The following TSHZ3 variants were observed in gnomAD, a reference collection of about 807,000 sequenced individuals.
TSHZ3 encodes the protein teashirt homolog 3.
TSHZ3 carries 10 observed loss-of-function variants against 64.5 expected under a neutral mutation model. That is an observed-to-expected ratio of 0.16 (90% confidence interval 0.10 to 0.26). The LOEUF (loss-of-function observed/expected upper bound fraction) is 0.26, where lower values mean the gene tolerates loss of function less well. Among genes scored for constraint, TSHZ3 ranks in the 10% least tolerant of loss-of-function variants. TSHZ3 has a pLI of 1.00. For synonymous variants in TSHZ3, 608 were observed against 593.1 expected (o/e 1.03, Z -0.36); for missense variants, 1,242 against 1,421.7 (o/e 0.87, Z 2.03).
exon 7 of TSHZ3, among the ~76,000 whole-genome samples, chr19:31,151,261 C>T (rs984774110): frequency 6.6e-6 from 1 of 152,164 alleles, no homozygotes; most frequent in Admixed American, 6.5e-5. Flanking sequence ...ATATTACTTT[C>T]CTCATTATTC....
intron 1 of TSHZ3, among the ~76,000 whole-genome samples, chr19:31,338,805 TC>T (rs2145193325): frequency 6.6e-6 from 1 of 152,054 alleles, no homozygotes; most frequent in African/African-American, 2.4e-5. Context: ...AAAGCCTTCC[TC>T]CCTCCATCTT....
Position 31,190,548 on chromosome 19 carries a change from CA to C in TSHZ3, n.809+14407del, listed in dbSNP as rs569095027. Among the ~76,000 whole-genome samples, 26 of 152,126 alleles carry C rather than the reference CA, an allele frequency of 1.7e-4. No individual in the cohort carries two copies. The South Asian group carries it at 5.2e-3, about 30-fold the overall frequency. Reference sequence around the variant, plus strand: ...TCCTAACATGATCAAACTGATTTCCCAATAATTATCTATAAATAAAACTCAA... The same window carrying C: ...TCCTAACATGATCAAACTGATTTCCCATAATTATCTATAAATAAAACTCAA... On this transcript the variant is annotated intron_variant and non_coding_transcript_variant, in intron 5 of 6. Coordinates refer to the TSHZ3 transcript ENST00000651361.
At chr19:31,230,052 C>T (rs1975518368) in intron 3 of TSHZ3, among the ~76,000 whole-genome samples, 1 of 152,064 alleles carries the variant, frequency 6.6e-6, no homozygotes, top group Non-Finnish European at 1.5e-5. Flanking sequence ...AGGAATTTAT[C>T]CTCAGAAAAT....
Position 31,164,854 on chromosome 19 carries a change from G to A in TSHZ3, n.810-8437C>T, listed in dbSNP as rs372857718. Among the ~76,000 whole-genome samples the A allele has an allele frequency of 2.1e-3, 325 of 152,280 alleles. 1 individual carries two copies. In the South Asian group the frequency reaches 0.029, roughly 14 times the overall value. Reference sequence around the variant, plus strand: ...TCAAATGGTTAATACACCACCCATCGTCTTTGATTTATGAAGTGGCCGATT... The same window carrying A: ...TCAAATGGTTAATACACCACCCATCATCTTTGATTTATGAAGTGGCCGATT... On this transcript the variant is annotated intron_variant and non_coding_transcript_variant, in intron 5 of 6. Coordinates refer to the TSHZ3 transcript ENST00000651361.
At chr19:31,159,177 T>G (rs1007127077) in intron 5 of TSHZ3, among the ~76,000 whole-genome samples, 8 of 152,116 alleles carry the variant, frequency 5.3e-5, no homozygotes, top group Non-Finnish European at 1.2e-4. Flanking sequence ...TTTTTGTATT[T>G]CTTGTGGAGA....
intron 1 of TSHZ3, among the ~76,000 whole-genome samples, chr19:31,306,828 A>C (rs1450136940): frequency 1.3e-5 from 2 of 152,166 alleles, no homozygotes; most frequent in African/African-American, 4.8e-5. Flanking sequence ...AAACATACTA[A>C]TTAGTTAGCT....
chr19:31,158,832 AATAGGGGTGGTGCT>A (rs1401179313), intron 5 of TSHZ3, among the ~76,000 whole-genome samples: 2 of 152,050 alleles, frequency 1.3e-5, no homozygotes, highest in Non-Finnish European at 2.9e-5. Flanking sequence ...CTCAGTTCAC[AATAGGGGTGGTGCT>A]CCTATGAGAA....
chr19:31,300,620 C>T (rs575283936), intron 1 of TSHZ3, among the ~76,000 whole-genome samples: 113 of 152,298 alleles, frequency 7.4e-4, no homozygotes, highest in Middle Eastern at 3.4e-3. Flanking sequence ...CCACCTCCTG[C>T]TCCAGGTCCC....
intron 5 of TSHZ3, among the ~76,000 whole-genome samples, chr19:31,164,138 G>A (rs1219462414): frequency 6.6e-6 from 1 of 152,130 alleles, no homozygotes; most frequent in Non-Finnish European, 1.5e-5. Context: ...AGGTCTAGAG[G>A]ACAGTAAAGG....
At chr19:31,168,684 A>G (rs1226554977) in intron 5 of TSHZ3, among the ~76,000 whole-genome samples, 3 of 152,206 alleles carry the variant, frequency 2.0e-5, no homozygotes, top group African/African-American at 7.2e-5. Context: ...AAGAGCCTAG[A>G]TTTTGACACC....
intron 5 of TSHZ3, among the ~76,000 whole-genome samples, chr19:31,172,536 T>A (rs927966944): frequency 2.0e-5 from 3 of 152,170 alleles, no homozygotes; most frequent in Admixed American, 6.5e-5. Flanking sequence ...AAACTTCAAA[T>A]TCTTCAGCAG....
chr19:31,179,828 AGGT>A (rs61116795), intron 5 of TSHZ3, among the ~76,000 whole-genome samples: 1,762 of 147,288 alleles, frequency 0.012, 37 homozygotes, highest in African/African-American at 0.041. Context: ...GTGATGATGG[AGGT>A]GGTGGTGGTG....
At chr19:31,252,294 C>T (rs558296739) in intron 1 of TSHZ3, among the ~76,000 whole-genome samples, 1 of 152,234 alleles carries the variant, frequency 6.6e-6, no homozygotes, top group Non-Finnish European at 1.5e-5. Flanking sequence ...GTAATCTCTG[C>T]CTCTGTCTTC....
At chr19:31,224,228 C>A (rs2145170258) in intron 4 of TSHZ3, among the ~76,000 whole-genome samples, 1 of 152,300 alleles carries the variant, frequency 6.6e-6, no homozygotes, top group East Asian at 1.9e-4. Context: ...ACTCTACTTT[C>A]TGATATGTAT....
chr19:31,211,472 A>G (rs1321310531), intron 4 of TSHZ3, among the ~76,000 whole-genome samples: 1 of 152,142 alleles, frequency 6.6e-6, no homozygotes, highest in Admixed American at 6.5e-5. Context: ...GGATGGATGC[A>G]TGACTGTGGG....
chr19:31,301,032 G>C (rs934348247), intron 1 of TSHZ3, among the ~76,000 whole-genome samples: 1 of 152,072 alleles, frequency 6.6e-6, no homozygotes, highest in African/African-American at 2.4e-5. Flanking sequence ...ACACATTTCA[G>C]GAGCAAAATC....
intron 4 of TSHZ3, among the ~76,000 whole-genome samples, chr19:31,213,059 G>A (rs1975279536): frequency 6.6e-6 from 1 of 152,012 alleles, no homozygotes; most frequent in African/African-American, 2.4e-5. Flanking sequence ...AAACTATGGA[G>A]ACAGTAAAAA....
At position 31,223,902 on chromosome 19, in the gene TSHZ3, G is replaced by A. The variant is rs1269597517; in HGVS notation, n.686+4103C>T. Among the ~76,000 whole-genome samples the A allele has an allele frequency of 2.0e-5, 3 of 152,174 alleles. No homozygotes were observed. The East Asian group carries it at 5.8e-4, about 29-fold the overall frequency. ...GACTAGCATGGGCCACTCAGTGAGG[G>A]GAAGGACCACAGTGGAAGTTGAAGG... On this transcript the variant is annotated intron_variant and non_coding_transcript_variant, in intron 4 of 6. Transcript: ENST00000651361.
At chr19:31,304,550 G>GA (rs1976808038) in intron 1 of TSHZ3, among the ~76,000 whole-genome samples, 1 of 152,222 alleles carries the variant, frequency 6.6e-6, no homozygotes, top group Non-Finnish European at 1.5e-5. Flanking sequence ...ATCAAAACCT[G>GA]AAAATGTATA....
Sources: allele counts gnomAD v4.1 joint callset (sites outside exome capture counted in the v4.1 genomes callset), GRCh38; gene constraint gnomAD v4.1.1; transcripts MANE v1.5; gene names NCBI Gene and HGNC (gene_info 2026-07-23, HGNC 2026-07-21).